The following AUTS2 variants were observed in gnomAD, a reference collection of about 807,000 sequenced individuals.
AUTS2 encodes activator of transcription and developmental regulator AUTS2.
A neutral mutation model predicts 112.4 loss-of-function variants in AUTS2; 17 were observed. The ratio of observed to expected loss-of-function variants is 0.15; its 90% confidence interval spans 0.10 to 0.23. The LOEUF (loss-of-function observed/expected upper bound fraction) is 0.23. Ranked by LOEUF, AUTS2 falls within the 10% of genes least tolerant of loss-of-function variation. The probability of loss-of-function intolerance (pLI) is 1.00; values close to 1 mark genes in which losing one functional copy is unlikely to be tolerated. For synonymous variants in AUTS2, 751 were observed against 702.7 expected, an observed-to-expected ratio of 1.07 and a Z score of -1.09; for missense variants, 1,510 against 1,701.6, an observed-to-expected ratio of 0.89 and a Z score of 1.98.
In AUTS2 at chr7:69,975,682, G is replaced by GT. The variant is rs879643977; in HGVS notation, c.522+76194dup. On this transcript the variant is annotated intron_variant, in intron 2 of 18. Coordinates refer to ENST00000342771, the MANE Select transcript of AUTS2 (RefSeq NM_015570.4). ...GCCCATCCGTTGAATTTTTTTAATT[G>GT]TTTTTTTTTTATTTTTATTTTTTTG... 5.5e-3 allele frequency among the ~76,000 whole-genome samples: 805 copies of GT among 147,110 alleles called. 6 individuals carry two copies. Among genetic ancestry groups the GT allele is most frequent in the African/African-American group, 0.012 (488 of 40,126 alleles).
intron 5 of AUTS2, among the ~76,000 whole-genome samples, chr7:70,616,852 C>T (rs377281148): frequency 2.0e-5 from 3 of 148,416 alleles, no homozygotes; most frequent in East Asian, 2.0e-4. Flanking sequence ...TGATGGAACA[C>T]GGTCCCAGAG....
At chr7:69,938,029 A>G (rs570504327) in intron 2 of AUTS2, among the ~76,000 whole-genome samples, 1 of 152,328 alleles carries the variant, frequency 6.6e-6, no homozygotes, top group Non-Finnish European at 1.5e-5. Context: ...AAACTTCTTT[A>G]CAGAATTCTC....
intron 2 of AUTS2, among the ~76,000 whole-genome samples, chr7:69,921,336 T>G (rs1795802598): frequency 2.0e-5 from 3 of 149,180 alleles, no homozygotes; most frequent in South Asian, 4.2e-4. Context: ...AGTTTTTTTT[T>G]TTTTTTTTTT....
intron 4 of AUTS2, among the ~76,000 whole-genome samples, chr7:70,250,941 T>C (rs943800278): frequency 2.0e-5 from 3 of 152,118 alleles, no homozygotes; most frequent in African/African-American, 7.2e-5. Context: ...CAAAATTATC[T>C]GTACACCAAA....
At chr7:70,032,844 C>T (rs1800841772) in intron 2 of AUTS2, among the ~76,000 whole-genome samples, 2 of 151,568 alleles carry the variant, frequency 1.3e-5, no homozygotes, top group Admixed American at 1.3e-4. Context: ...AGGAGAAGTC[C>T]CCAGGGAGTC....
intron 5 of AUTS2, among the ~76,000 whole-genome samples, chr7:70,657,427 T>C (rs1022783909): frequency 2.0e-5 from 3 of 152,216 alleles, no homozygotes; most frequent in South Asian, 2.1e-4. Flanking sequence ...GGGATCATTA[T>C]GGAGCTCTTT....
rs576453340 is a variant in AUTS2, at chr7:70,341,426, C to T, written c.661-94326C>T. 2.0e-3 allele frequency among the ~76,000 whole-genome samples: 298 copies of T among 152,322 alleles called. 2 individuals are homozygous for T. The highest frequency in any genetic ancestry group is 3.9e-3 in the Non-Finnish European group (267 of 68,028). On this transcript the variant is annotated intron_variant, in intron 4 of 18. Transcript: ENST00000342771. ...AACTGTGAAAAATCATGGGCGGAGC[C>T]GCTGTGAACAATAGCATGTGTAGGC...
intron 2 of AUTS2, among the ~76,000 whole-genome samples, chr7:70,066,539 A>ATTT (rs71068013): frequency 0.039 from 5,314 of 137,768 alleles, 122 homozygotes; most frequent in African/African-American, 0.067. Flanking sequence ...TACCCAGTAA[A>ATTT]TTTTTTTTTT....
At chr7:70,355,215 C>T (rs1791951678) in intron 4 of AUTS2, among the ~76,000 whole-genome samples, 1 of 151,966 alleles carries the variant, frequency 6.6e-6, no homozygotes, top group Non-Finnish European at 1.5e-5. Context: ...ATTTCTGACC[C>T]TTCCTCCCCT....
intron 5 of AUTS2, among the ~76,000 whole-genome samples, chr7:70,672,495 A>AAACG (rs1807694870): frequency 1.3e-5 from 2 of 152,120 alleles, no homozygotes; most frequent in East Asian, 3.9e-4. Flanking sequence ...TGCTAAGCTC[A>AAACG]TAAACGTTAA....
intron 4 of AUTS2, among the ~76,000 whole-genome samples, chr7:70,357,085 G>T (rs1792045585): frequency 1.3e-5 from 2 of 152,194 alleles, no homozygotes; most frequent in Admixed American, 1.3e-4. Flanking sequence ...GGGATCCCAG[G>T]TAGTTGGGCT....
At chr7:69,811,026 A>C (rs1218608945) in intron 1 of AUTS2, among the ~76,000 whole-genome samples, 1 of 152,176 alleles carries the variant, frequency 6.6e-6, no homozygotes, top group Non-Finnish European at 1.5e-5. Context: ...GAATGCTGCC[A>C]GTGTCTCTAA....
intron 2 of AUTS2, among the ~76,000 whole-genome samples, chr7:69,976,678 G>C (rs965194588): frequency 6.6e-6 from 1 of 152,056 alleles, no homozygotes; most frequent in Non-Finnish European, 1.5e-5. Flanking sequence ...AGATCTGAGG[G>C]GATAATGCAT....
At chr7:69,660,796 G>A (rs1197934464) in intron 1 of AUTS2, among the ~76,000 whole-genome samples, 1 of 152,172 alleles carries the variant, frequency 6.6e-6, no homozygotes, top group East Asian at 1.9e-4. Context: ...TTAGCTGGGT[G>A]TGGTGGCGGG....
At chr7:69,950,268 C>G (rs1394437333) in intron 2 of AUTS2, among the ~76,000 whole-genome samples, 2 of 152,066 alleles carry the variant, frequency 1.3e-5, no homozygotes, top group African/African-American at 4.8e-5. Context: ...TTCCAAGGCT[C>G]AGAAAATCAG....
At chr7:70,167,226 A>AAAAC (rs1299719424) in intron 4 of AUTS2, among the ~76,000 whole-genome samples, 1 of 152,188 alleles carries the variant, frequency 6.6e-6, no homozygotes. Flanking sequence ...ACTCTCAACA[A>AAAAC]AAACAAACAA....
chr7:69,753,789 A>T (rs183160080), intron 1 of AUTS2, among the ~76,000 whole-genome samples: 34 of 152,354 alleles, frequency 2.2e-4, no homozygotes, highest in Admixed American at 1.9e-3. Flanking sequence ...GGAGGAGCTT[A>T]TATTAAGAAT....
At chr7:69,977,404 T>C (rs1325807909) in intron 2 of AUTS2, among the ~76,000 whole-genome samples, 1 of 152,220 alleles carries the variant, frequency 6.6e-6, no homozygotes, top group Non-Finnish European at 1.5e-5. Flanking sequence ...TTTTTCTAAA[T>C]TGTTTGGTGA....
At chr7:69,694,050 T>C (rs1410942665) in intron 1 of AUTS2, among the ~76,000 whole-genome samples, 1 of 152,220 alleles carries the variant, frequency 6.6e-6, no homozygotes, top group African/African-American at 2.4e-5. Flanking sequence ...CATTTTACCT[T>C]ATTGTTCTGC....
Sources: allele counts gnomAD v4.1 joint callset (sites outside exome capture counted in the v4.1 genomes callset), GRCh38; gene constraint gnomAD v4.1.1; transcripts MANE v1.5; gene names NCBI Gene and HGNC (gene_info 2026-07-23, HGNC 2026-07-21).